Variants in R3HDM1 observed in about 807,000 individuals in gnomAD.
R3HDM1 encodes R3H domain-containing protein 1.
In R3HDM1, 46 loss-of-function variants were observed where a neutral mutation model predicts 141.1. The ratio of observed to expected loss-of-function variants is 0.33; its 90% confidence interval spans 0.26 to 0.42. The LOEUF (loss-of-function observed/expected upper bound fraction) is 0.42, where lower values mean the gene tolerates loss of function less well. Among genes scored for constraint, R3HDM1 ranks in the 10% least tolerant of loss-of-function variants. The probability of loss-of-function intolerance (pLI) is 1.00; values close to 1 mark genes in which losing one functional copy is unlikely to be tolerated. For missense variants in R3HDM1, 1,184 were observed against 1,368.3 expected (o/e 0.87, Z 2.12); for synonymous variants, 435 against 472.9 (o/e 0.92, Z 1.04).
intron 1 of R3HDM1, among the ~76,000 whole-genome samples, chr2:135,562,872 C>A (rs1231410049): frequency 6.6e-6 from 1 of 152,122 alleles, no homozygotes; most frequent in Non-Finnish European, 1.5e-5. Flanking sequence ...TATTTCATTT[C>A]TTATGAAAAT....
At chr2:135,629,679 T>C (rs1351260458) in intron 7 of R3HDM1, among the ~76,000 whole-genome samples, 2 of 152,078 alleles carry the variant, frequency 1.3e-5, no homozygotes, top group Admixed American at 6.5e-5. Context: ...GCTTGGCAAA[T>C]ACAGAAATAA....
intron 1 of R3HDM1, among the ~76,000 whole-genome samples, chr2:135,554,632 G>A (rs1700397455): frequency 6.6e-6 from 1 of 152,120 alleles, no homozygotes; most frequent in Non-Finnish European, 1.5e-5. Context: ...ATCAAGCTGT[G>A]GATTAGGGGT....
At chr2:135,711,143 T>C (rs921006972) in intron 23 of R3HDM1, among the ~76,000 whole-genome samples, 1 of 152,214 alleles carries the variant, frequency 6.6e-6, no homozygotes, top group African/African-American at 2.4e-5. Context: ...AATTTGAATC[T>C]ATTCAAGCCT....
rs1392194187 is a variant in R3HDM1 at position 135,669,177 on chromosome 2, A to C, written c.2153-6155A>C. 4.1e-6 allele frequency: 4 copies of C among 984,758 alleles called. No homozygotes were observed. The African/African-American group carries it at 7.0e-5, about 17-fold the overall frequency. The allele number at this position is 984,758 out of a possible 1,614,324, so 61.0% of individuals were successfully genotyped here. The stretch of plus-strand genomic sequence containing the variant: ...AGGCAAGGAAGTGTAACTTTGAAAT[A>C]CATCAGTAGTAAACCACGCATCTTG... On this transcript the variant is annotated intron_variant, in intron 19 of 26. Transcript: ENST00000683871.
At chr2:135,566,836 A>G (rs1361271513) in intron 1 of R3HDM1, 4 of 875,244 alleles carry the variant, frequency 4.6e-6, no homozygotes, top group African/African-American at 3.6e-5. Flanking sequence ...AGCCAGCATG[A>G]TGGCGGGTAC....
At chr2:135,683,565 A>AC (rs1288243622) in intron 21 of R3HDM1, among the ~76,000 whole-genome samples, 6 of 136,188 alleles carry the variant, frequency 4.4e-5, no homozygotes, top group African/African-American at 1.9e-4. Flanking sequence ...AAAAAAAAAA[A>AC]AAAAAAATTC....
intron 23 of R3HDM1, among the ~76,000 whole-genome samples, chr2:135,714,194 C>CG (rs1313423455): frequency 1.3e-5 from 2 of 152,004 alleles, no homozygotes; most frequent in Non-Finnish European, 1.5e-5. Context: ...ACAAAGCAGT[C>CG]GAAGTAAATA....
chr2:135,556,385 T>TAA (rs1343986434), intron 1 of R3HDM1, among the ~76,000 whole-genome samples: 1 of 152,194 alleles, frequency 6.6e-6, no homozygotes, highest in Non-Finnish European at 1.5e-5. Context: ...GGTATGTGAA[T>TAA]AATATCTCAG....
chr2:135,722,895 G>A (rs2076830863), intron 26 of R3HDM1, among the ~76,000 whole-genome samples: 1 of 152,094 alleles, frequency 6.6e-6, no homozygotes, highest in African/African-American at 2.4e-5. Context: ...CAAATATGTT[G>A]CCTCTCTGTG....
intron 1 of R3HDM1, among the ~76,000 whole-genome samples, chr2:135,563,578 G>C (rs1702191101): frequency 6.6e-6 from 1 of 152,112 alleles, no homozygotes; most frequent in Non-Finnish European, 1.5e-5. Context: ...ATCTTTGTAG[G>C]ACTCCATAAT....
chr2:135,598,642 T>C (rs2059384614), intron 1 of R3HDM1, among the ~76,000 whole-genome samples: 1 of 149,880 alleles, frequency 6.7e-6, no homozygotes, highest in Non-Finnish European at 1.5e-5. Context: ...CTGCCTTAGT[T>C]TCCTAATCTG....
intron 1 of R3HDM1, among the ~76,000 whole-genome samples, chr2:135,539,510 G>A (rs976680547): frequency 6.6e-6 from 1 of 152,122 alleles, no homozygotes; most frequent in Admixed American, 6.5e-5. Context: ...TGATTGTATT[G>A]ATACAGCAAC....
At chr2:135,685,924 A>G (rs1307660852) in intron 21 of R3HDM1, among the ~76,000 whole-genome samples, 2 of 152,204 alleles carry the variant, frequency 1.3e-5, no homozygotes, top group African/African-American at 4.8e-5. Flanking sequence ...AACTTTGTAT[A>G]TGGAAACTGC....
chr2:135,570,507 G>A (rs987979741), intron 1 of R3HDM1, among the ~76,000 whole-genome samples: 6 of 152,184 alleles, frequency 3.9e-5, no homozygotes, highest in Non-Finnish European at 7.3e-5. Flanking sequence ...CTGAAAAGAG[G>A]AGAGAAAACT....
intron 3 of R3HDM1, among the ~76,000 whole-genome samples, chr2:135,609,136 T>G (rs2060315871): frequency 1.3e-5 from 2 of 152,152 alleles, no homozygotes; most frequent in Non-Finnish European, 2.9e-5. Flanking sequence ...CAACAGACAT[T>G]ACATGTCATC....
chr2:135,588,277 C>T (rs1340640121), intron 1 of R3HDM1, among the ~76,000 whole-genome samples: 5 of 151,958 alleles, frequency 3.3e-5, no homozygotes, highest in Non-Finnish European at 7.4e-5. Context: ...CCTCTCTCAT[C>T]CTTTTGCTCT....
chr2:135,678,029 A>G (rs1195689659), intron 20 of R3HDM1, among the ~76,000 whole-genome samples: 1 of 151,978 alleles, frequency 6.6e-6, no homozygotes, highest in African/African-American at 2.4e-5. Context: ...CAGTGGTGTG[A>G]TCTTGGCTCA....
chr2:135,619,221 T>G (rs183964985), intron 5 of R3HDM1, among the ~76,000 whole-genome samples: 3 of 152,292 alleles, frequency 2.0e-5, no homozygotes, highest in Non-Finnish European at 4.4e-5. Flanking sequence ...ATAAATCTGT[T>G]AATACAGAGG....
intron 19 of R3HDM1, chr2:135,670,242 T>C (rs1477995713): frequency 2.5e-6 from 2 of 799,698 alleles, no homozygotes; most frequent in Non-Finnish European, 3.0e-6. Context: ...AATGAAAATA[T>C]AATTTTAAAT....
Sources: allele counts gnomAD v4.1 joint callset (sites outside exome capture counted in the v4.1 genomes callset), GRCh38; gene constraint gnomAD v4.1.1; transcripts MANE v1.5; gene names NCBI Gene and HGNC (gene_info 2026-07-23, HGNC 2026-07-21).